Variants in DNAAF11 observed in about 807,000 individuals in gnomAD.
DNAAF11 encodes dynein axonemal assembly factor 11, also known as leucine rich repeat containing 6.
In DNAAF11, 45 loss-of-function variants were observed where a neutral mutation model predicts 60.8. The ratio of observed to expected loss-of-function variants is 0.74; its 90% CI spans 0.58 to 0.95. DNAAF11 has a LOEUF of 0.95. Ranked by LOEUF, DNAAF11 falls within the 40% of genes least tolerant of loss-of-function variation. The pLI, the probability that DNAAF11 is intolerant of heterozygous loss-of-function variation, is 0.00. For synonymous variants in DNAAF11, 191 were observed against 183.5 expected (o/e 1.04, Z -0.33); for missense variants, 546 against 546.2 (o/e 1.00, Z 0.00).
intron 3 of DNAAF11, among the ~76,000 whole-genome samples, chr8:132,641,383 A>C (rs1232812385): frequency 1.3e-5 from 2 of 151,694 alleles, no homozygotes; most frequent in African/African-American, 4.8e-5. Flanking sequence ...TTTTTGTTTG[A>C]GTGTTTATGA....
At chr8:132,670,746 A>T (rs1247789327) in intron 1 of DNAAF11, among the ~76,000 whole-genome samples, 1 of 152,178 alleles carries the variant, frequency 6.6e-6, no homozygotes, top group East Asian at 1.9e-4. Context: ...ACAACATAAT[A>T]AAAAAATTAT....
intron 3 of DNAAF11, among the ~76,000 whole-genome samples, chr8:132,644,527 G>A (rs1822172015): frequency 6.6e-6 from 1 of 152,142 alleles, no homozygotes. Flanking sequence ...GCCAAAGCAA[G>A]GGGGGCCATC....
At chr8:132,610,646 C>A (rs1818569417) in intron 9 of DNAAF11, among the ~76,000 whole-genome samples, 1 of 152,092 alleles carries the variant, frequency 6.6e-6, no homozygotes, top group Non-Finnish European at 1.5e-5. Flanking sequence ...TGAATGAAAT[C>A]ATTGACAACT....
At chr8:132,600,702 G>A (rs1415318017) in intron 10 of DNAAF11, among the ~76,000 whole-genome samples, 21 of 152,156 alleles carry the variant, frequency 1.4e-4, no homozygotes, top group Non-Finnish European at 2.4e-4. Context: ...AAATGGTGCT[G>A]GGAAAACTGG....
At chr8:132,639,442 C>T (rs941612205) in intron 3 of DNAAF11, among the ~76,000 whole-genome samples, 10 of 152,120 alleles carry the variant, frequency 6.6e-5, no homozygotes, top group Admixed American at 3.3e-4. Context: ...TTATTATATA[C>T]TTTTTTGTAA....
At chr8:132,679,896 C>G (rs968000675), upstream of DNAAF11, among the ~76,000 whole-genome samples, 3 of 152,172 alleles carry the variant, frequency 2.0e-5, no homozygotes, top group African/African-American at 7.2e-5. Flanking sequence ...GGACATTGCC[C>G]AGTCTCAGGT....
intron 3 of DNAAF11, among the ~76,000 whole-genome samples, chr8:132,652,125 G>C (rs971065244): frequency 6.6e-6 from 1 of 152,238 alleles, no homozygotes; most frequent in Admixed American, 6.5e-5. Flanking sequence ...GCTATTAGCA[G>C]ATGGCATTGG....
In DNAAF11 at chr8:132,652,654, C is replaced by T. The variant is rs184239552; in HGVS notation, c.256+4176G>A. ...ATGTCCTTTGCAGGGACATGGATGACGCTGGAAACCATCATTCTCAGCAAA... is the reference window on the plus strand; with the variant it reads ...ATGTCCTTTGCAGGGACATGGATGATGCTGGAAACCATCATTCTCAGCAAA... On this transcript the variant is annotated intron_variant, in intron 3 of 11. Coordinates refer to ENST00000620350, the MANE Select transcript of DNAAF11 (RefSeq NM_012472.6). Among the ~76,000 whole-genome samples, 17 of 152,138 alleles carry T rather than the reference C, an allele frequency of 1.1e-4. No homozygotes were observed. In the East Asian group the frequency reaches 2.5e-3, roughly 23 times the overall value.
chr8:132,579,470 C>T (rs1248379721), intron 11 of DNAAF11, among the ~76,000 whole-genome samples: 1 of 152,034 alleles, frequency 6.6e-6, no homozygotes, highest in Non-Finnish European at 1.5e-5. Flanking sequence ...GATTGTATAC[C>T]CCTGGACCAC....
intron 5 of DNAAF11, among the ~76,000 whole-genome samples, chr8:132,631,957 T>C (rs1422728465): frequency 6.6e-6 from 1 of 151,798 alleles, no homozygotes; most frequent in Non-Finnish European, 1.5e-5. Context: ...ATGGCACATG[T>C]ATACATATGT....
upstream of DNAAF11, among the ~76,000 whole-genome samples, chr8:132,677,149 A>G (rs1304723294): frequency 2.6e-5 from 4 of 152,296 alleles, no homozygotes; most frequent in East Asian, 7.7e-4. Context: ...CTGAGCACTG[A>G]TGTCTGATTA....
At chr8:132,620,069 G>C (rs751507110) in intron 7 of DNAAF11, among the ~76,000 whole-genome samples, 2 of 152,162 alleles carry the variant, frequency 1.3e-5, no homozygotes. Context: ...AGAGAAGGTA[G>C]GAGAGCAGCT....
chr8:132,691,947 C>A, the DNAAF11 span, among the ~76,000 whole-genome samples: 21,075 of 152,080 alleles, frequency 0.14, 3,976 homozygotes, highest in African/African-American at 0.43. Flanking sequence ...CGCCTATGAT[C>A]CATATCAAAA....
At chr8:132,619,857 TG>T (rs1454057330) in intron 7 of DNAAF11, among the ~76,000 whole-genome samples, 3 of 152,124 alleles carry the variant, frequency 2.0e-5, no homozygotes, top group Non-Finnish European at 4.4e-5. Context: ...GGAGTCAGGG[TG>T]CTTACACAGA....
intron 5 of DNAAF11, among the ~76,000 whole-genome samples, chr8:132,632,367 T>C (rs1314399151): frequency 2.0e-5 from 3 of 152,238 alleles, no homozygotes; most frequent in Non-Finnish European, 4.4e-5. Context: ...TAGAATGTTT[T>C]ATGATGCAAT....
chr8:132,582,046 G>A lies in DNAAF11; in HGVS notation c.1226+1648C>T, dbSNP rs78677719. Among the ~76,000 whole-genome samples, 1,315 of 152,252 alleles carry A rather than the reference G, an allele frequency of 8.6e-3. 22 individuals carry two copies. Among genetic ancestry groups the A allele is most frequent in the African/African-American group, 0.03 (1,257 of 41,544 alleles). On this transcript the variant is annotated intron_variant, in intron 11 of 11. Coordinates refer to ENST00000620350, the MANE Select transcript of DNAAF11 (RefSeq NM_012472.6). ...CCACTCTGCCAAGAGATGGGCAAGG[G>A]GCCTCTTGTGGCCCTCCCGGTGGAC...
chr8:132,601,045 A>C (rs1211410933), intron 10 of DNAAF11, among the ~76,000 whole-genome samples: 1 of 152,254 alleles, frequency 6.6e-6, no homozygotes, highest in Non-Finnish European at 1.5e-5. Context: ...GCTAATATCC[A>C]GAATCTACAA....
At chr8:132,680,909 A>G in the DNAAF11 span, among the ~76,000 whole-genome samples, 18,965 of 147,944 alleles carry the variant, frequency 0.13, 3,223 homozygotes, top group African/African-American at 0.39. Context: ...AGTACTCAGT[A>G]TGAGCTATTA....
the DNAAF11 span, among the ~76,000 whole-genome samples, chr8:132,695,601 A>C: frequency 6.6e-6 from 1 of 152,168 alleles, no homozygotes; most frequent in Non-Finnish European, 1.5e-5. Flanking sequence ...GGAGGTACTG[A>C]AGCTTTGAGG....
Sources: gnomAD v4.1 joint callset for allele counts (sites outside exome capture counted in the v4.1 genomes callset) on GRCh38, gnomAD v4.1.1 for gene constraint, MANE v1.5 for transcripts, NCBI Gene and HGNC (gene_info 2026-07-23, HGNC 2026-07-21) for gene names.